SPOP: variants seen among roughly 807,000 people sequenced by gnomAD.
SPOP encodes the protein speckle-type POZ protein.
A neutral mutation model predicts 45.6 loss-of-function variants in SPOP; 11 were observed. That is an observed-to-expected ratio of 0.24 (90% confidence interval 0.15 to 0.40). The LOEUF (loss-of-function observed/expected upper bound fraction) is 0.40. Ranked by LOEUF, SPOP falls within the 10% of genes least tolerant of loss-of-function variation. SPOP has a pLI of 1.00. For synonymous variants in SPOP, 166 were observed against 166.3 expected (o/e 1.00, Z 0.01); for missense variants, 152 against 465.6 (o/e 0.33, Z 6.20).
intron 1 of SPOP, among the ~76,000 whole-genome samples, chr17:49,624,719 C>T (rs2072294937): frequency 6.6e-6 from 1 of 151,762 alleles, no homozygotes; most frequent in African/African-American, 2.4e-5. Flanking sequence ...AGCAGTATGC[C>T]CACCTTGGCC....
chr17:49,622,654 G>T, intron 2 of SPOP, 79 bp downstream of exon 2: 3 of 1,254,722 alleles, frequency 2.4e-6, no homozygotes, highest in Non-Finnish European at 3.5e-6. Context: ...GAAGCCCAAT[G>T]TAGAAAAGCA....
intron 1 of SPOP, among the ~76,000 whole-genome samples, chr17:49,656,272 G>T (rs1053255931): frequency 9.2e-5 from 14 of 152,052 alleles, no homozygotes; most frequent in African/African-American, 3.4e-4. Flanking sequence ...TTAAGTATTG[G>T]GAAGATCATT....
At chr17:49,672,310 A>T (rs761201086) in intron 1 of SPOP, among the ~76,000 whole-genome samples, 1 of 152,224 alleles carries the variant, frequency 6.6e-6, no homozygotes, top group Non-Finnish European at 1.5e-5. Context: ...GTTGCTGGAG[A>T]AGTGTAACAG....
At chr17:49,611,478 C>T (rs550726115) in intron 5 of SPOP, 21 bp from the exon 6 acceptor site, 3 of 1,611,000 alleles carry the variant, frequency 1.9e-6, no homozygotes, top group African/African-American at 1.3e-5. Flanking sequence ...CAAGGAAACA[C>T]AAGCCAAGCT....
At position 49,598,964 on chromosome 17, in the gene SPOP, G is replaced by A. The variant is rs2143085914; in HGVS notation, c.*1414C>T. ...TTTATATTTAGTTAGAAGAAGGGAG[G>A]TGGGGATTAGGTCTTAAAACATACG... On this transcript the variant is annotated 3_prime_UTR_variant, in exon 10 of 10. Transcript: ENST00000504102. 1 of 195,478 alleles carries A rather than the reference G, an allele frequency of 5.1e-6. No individual in the cohort carries two copies. The highest frequency in any genetic ancestry group is 8.0e-5 in the East Asian group (1 of 12,556). 12.1% of individuals were successfully genotyped at this position (195,478 alleles called of 1,614,324 possible). A position where few individuals can be genotyped will look rare whatever the true frequency, so the allele number is the denominator to read the frequency against.
chr17:49,627,004 C>G (rs2072346145), intron 1 of SPOP, among the ~76,000 whole-genome samples: 2 of 152,110 alleles, frequency 1.3e-5, no homozygotes, highest in South Asian at 4.1e-4. Flanking sequence ...CACCCGCCAC[C>G]ATGCCCAGCT....
intron 1 of SPOP, among the ~76,000 whole-genome samples, chr17:49,675,137 G>A (rs964067459): frequency 1.3e-5 from 2 of 152,152 alleles, no homozygotes; most frequent in Non-Finnish European, 2.9e-5. Context: ...TTGATCCAGC[G>A]CTTCCACTAG....
At position 49,622,730 on chromosome 17, in the gene SPOP, T is replaced by C; in HGVS notation, c.78+3A>G. 6.2e-7 allele frequency: 1 copy of C among 1,613,796 alleles called. No homozygotes were observed. Among genetic ancestry groups the C allele is most frequent in the Non-Finnish European group, 8.5e-7 (1 of 1,179,728 alleles). ...GATTCACAGGCTGAAAACTTCAACTTACCTGTGTGTAGCACCAACTCTCAG... is the reference window on the plus strand; with the variant it reads ...GATTCACAGGCTGAAAACTTCAACTCACCTGTGTGTAGCACCAACTCTCAG... On this transcript the variant is annotated splice_donor_region_variant and intron_variant, in intron 2 of 9. Transcript: ENST00000504102.
chr17:49,642,892 T>C (rs1036020721), intron 1 of SPOP, among the ~76,000 whole-genome samples: 5 of 152,258 alleles, frequency 3.3e-5, no homozygotes, highest in South Asian at 2.1e-4. Flanking sequence ...CATATAGTGC[T>C]TGTACTTTTG....
At chr17:49,641,749 C>T (rs184196882) in intron 1 of SPOP, among the ~76,000 whole-genome samples, 62 of 152,144 alleles carry the variant, frequency 4.1e-4, no homozygotes, top group African/African-American at 1.4e-3. Context: ...TGGCCAGGCA[C>T]GGTGGCTCAC....
chr17:49,612,752 G>C (rs969537293), intron 5 of SPOP: 1 of 152,194 alleles, frequency 6.6e-6, no homozygotes, highest in Non-Finnish European at 1.5e-5. Context: ...TGTTAGAAAA[G>C]TTAAATTCAA....
chr17:49,622,585 T>C, intron 2 of SPOP, 148 bp downstream of exon 2: 2 of 676,690 alleles, frequency 3.0e-6, no homozygotes, highest in Non-Finnish European at 5.1e-6. Context: ...CTAAGGAACC[T>C]GAGGCTAACA....
intron 1 of SPOP, among the ~76,000 whole-genome samples, chr17:49,639,888 T>C (rs968409346): frequency 3.3e-5 from 5 of 152,180 alleles, no homozygotes; most frequent in East Asian, 1.9e-4. Context: ...ACCTAGGTAT[T>C]TGCCTTCTGT....
chr17:49,616,097 C>T (rs908092036), intron 5 of SPOP, among the ~76,000 whole-genome samples: 37 of 152,284 alleles, frequency 2.4e-4, no homozygotes, highest in African/African-American at 8.2e-4. Context: ...ACCCTGAACA[C>T]GCCTGATTTT....
chr17:49,609,766 AAG>A (rs1357635703), intron 6 of SPOP, among the ~76,000 whole-genome samples: 1 of 152,018 alleles, frequency 6.6e-6, no homozygotes, highest in East Asian at 1.9e-4. Flanking sequence ...TTCTGGGGAA[AAG>A]AGAGAGAGAA....
At chr17:49,651,977 C>T (rs1017170043) in intron 1 of SPOP, among the ~76,000 whole-genome samples, 2 of 151,926 alleles carry the variant, frequency 1.3e-5, no homozygotes, top group African/African-American at 4.8e-5. Context: ...CGAAATCGTG[C>T]CATTGCACTC....
At chr17:49,647,877 G>A (rs569228724) in intron 1 of SPOP, among the ~76,000 whole-genome samples, 3 of 152,280 alleles carry the variant, frequency 2.0e-5, no homozygotes, top group Admixed American at 2.0e-4. Context: ...CTAACTGCCA[G>A]AGTAATTTTT....
intron 1 of SPOP, among the ~76,000 whole-genome samples, chr17:49,624,573 A>G (rs953333065): frequency 6.6e-6 from 1 of 152,064 alleles, no homozygotes; most frequent in Non-Finnish European, 1.5e-5. Flanking sequence ...GGCTCAAGCA[A>G]TCCTCCTACC....
intron 5 of SPOP, among the ~76,000 whole-genome samples, chr17:49,616,966 G>A (rs184095240): frequency 2.5e-4 from 38 of 152,358 alleles, no homozygotes; most frequent in African/African-American, 9.1e-4. Flanking sequence ...AAGGGAGAGA[G>A]CGAGCGAGCT....
Sources: allele counts gnomAD v4.1 joint callset (sites outside exome capture counted in the v4.1 genomes callset), GRCh38; gene constraint gnomAD v4.1.1; transcripts MANE v1.5; gene names NCBI Gene and HGNC (gene_info 2026-07-23, HGNC 2026-07-21).